ESR1: variants seen among roughly 807,000 people sequenced by gnomAD.
ESR1 encodes the protein estrogen receptor.
In ESR1, 12 loss-of-function variants were observed where a neutral mutation model predicts 52.7. The ratio of observed to expected loss-of-function variants is 0.23; its 90% confidence interval spans 0.15 to 0.37. The LOEUF is 0.37. Among genes scored for constraint, ESR1 ranks in the 10% least tolerant of loss-of-function variants. ESR1 has a pLI of 1.00. For synonymous variants in ESR1, 305 were observed against 316.8 expected, an observed-to-expected ratio of 0.96 and a Z score of 0.39; for missense variants, 584 against 779.7, an observed-to-expected ratio of 0.75 and a Z score of 2.99.
chr6:151,856,358 CT>C (rs113855679), intron 2 of ESR1, among the ~76,000 whole-genome samples: 2,498 of 152,182 alleles, frequency 0.016, 73 homozygotes, highest in African/African-American at 0.057. Flanking sequence ...ATGTTTGCAA[CT>C]TTCTTGATTT....
chr6:152,035,416 T>C (rs907768004), intron 5 of ESR1, among the ~76,000 whole-genome samples: 3 of 152,012 alleles, frequency 2.0e-5, no homozygotes, highest in African/African-American at 4.8e-5. Flanking sequence ...TGAACTTCTA[T>C]TGGAAGACAG....
intron 2 of ESR1, among the ~76,000 whole-genome samples, chr6:151,730,416 C>G (rs188453639): frequency 6.6e-6 from 1 of 152,112 alleles, no homozygotes; most frequent in Non-Finnish European, 1.5e-5. Context: ...GGTCTGGCCT[C>G]CCATTTTCCA....
chr6:152,048,048 A>G (rs1356415803), intron 5 of ESR1, among the ~76,000 whole-genome samples: 2 of 136,506 alleles, frequency 1.5e-5, no homozygotes, highest in Non-Finnish European at 3.0e-5. Context: ...TTTCCTGGCT[A>G]ATTGCTAGTT....
At chr6:151,957,119 C>T (rs557751354) in intron 4 of ESR1, among the ~76,000 whole-genome samples, 9 of 151,882 alleles carry the variant, frequency 5.9e-5, no homozygotes, top group South Asian at 2.1e-4. Flanking sequence ...CCTCGTGATC[C>T]GCCCACCTCG....
At chr6:151,994,120 C>A (rs954204586) in intron 4 of ESR1, among the ~76,000 whole-genome samples, 4 of 152,084 alleles carry the variant, frequency 2.6e-5, no homozygotes, top group Non-Finnish European at 5.9e-5. Context: ...AAATAAGTTG[C>A]CCAAGGTCAC....
intron 2 of ESR1, among the ~76,000 whole-genome samples, chr6:151,723,316 T>C (rs1781592271): frequency 6.6e-6 from 1 of 152,160 alleles, no homozygotes; most frequent in Non-Finnish European, 1.5e-5. Flanking sequence ...CTGTTTCCTC[T>C]TCAGAAACTG....
At chr6:152,084,715 A>AC (rs1277782153) in intron 6 of ESR1, among the ~76,000 whole-genome samples, 1 of 152,128 alleles carries the variant, frequency 6.6e-6, no homozygotes, top group Non-Finnish European at 1.5e-5. Context: ...AAAAAAAAAA[A>AC]AAAACAGTTA....
chr6:152,031,401 TAAA>T (rs1309933195), intron 5 of ESR1, among the ~76,000 whole-genome samples: 2 of 151,386 alleles, frequency 1.3e-5, no homozygotes, highest in Non-Finnish European at 2.9e-5. Flanking sequence ...GCATGACTAA[TAAA>T]GAAGAAAAGA....
chr6:151,791,111 G>C (rs997782103), intron 2 of ESR1, among the ~76,000 whole-genome samples: 1 of 152,042 alleles, frequency 6.6e-6, no homozygotes, highest in Non-Finnish European at 1.5e-5. Context: ...AGTTTTAGGG[G>C]TCTCCACACT....
chr6:151,722,127 T>C (rs770971587), intron 2 of ESR1, among the ~76,000 whole-genome samples: 15 of 152,228 alleles, frequency 9.9e-5, no homozygotes, highest in Non-Finnish European at 1.6e-4. Flanking sequence ...AGGAAGGGTA[T>C]ACTTAGGTGG....
At chr6:151,708,618 G>C (rs934621694) in intron 2 of ESR1, among the ~76,000 whole-genome samples, 2 of 152,064 alleles carry the variant, frequency 1.3e-5, no homozygotes, top group Non-Finnish European at 2.9e-5. Flanking sequence ...TAATGAGTAA[G>C]CATTGTTAAT....
chr6:151,960,938 A>G (rs1247221564), intron 4 of ESR1, among the ~76,000 whole-genome samples: 1 of 152,176 alleles, frequency 6.6e-6, no homozygotes, highest in Non-Finnish European at 1.5e-5. Context: ...TATGTGAGAG[A>G]AAGAATTCAG....
At chr6:151,722,560 G>C (rs1434469486) in intron 2 of ESR1, among the ~76,000 whole-genome samples, 1 of 152,212 alleles carries the variant, frequency 6.6e-6, no homozygotes, top group Admixed American at 6.5e-5. Context: ...ACACGGCTGA[G>C]AGTCTCCAAA....
At chr6:151,978,112 A>G (rs1004506230) in intron 4 of ESR1, among the ~76,000 whole-genome samples, 1 of 152,158 alleles carries the variant, frequency 6.6e-6, no homozygotes, top group African/African-American at 2.4e-5. Context: ...AAATATGTTT[A>G]AGATGTAGAA....
chr6:152,049,113 C>G (rs9341004), intron 5 of ESR1, among the ~76,000 whole-genome samples: 17,518 of 152,202 alleles, frequency 0.12, 1,255 homozygotes, highest in East Asian at 0.34. Context: ...TACTTTAGCT[C>G]TTAAACTATG....
At chr6:152,119,841 G>A (rs1315433183) in intron 6 of ESR1, among the ~76,000 whole-genome samples, 1 of 152,222 alleles carries the variant, frequency 6.6e-6, no homozygotes, top group Non-Finnish European at 1.5e-5. Context: ...CGTCTGGCGT[G>A]GCCCTTGCTA....
chr6:151,984,088 GAA>G (rs1166871900), intron 4 of ESR1: 5 of 152,104 alleles, frequency 3.3e-5, no homozygotes, highest in African/African-American at 1.2e-4. Context: ...GGTCCATCTT[GAA>G]AGATTCTCAA....
At position 152,101,404 on chromosome 6, in the gene ESR1, G is replaced by T. The variant is rs895888642; in HGVS notation, c.*2438G>T. On this transcript the variant is annotated 3_prime_UTR_variant, in exon 8 of 8. Coordinates refer to ENST00000206249, the MANE Select transcript of ESR1 (RefSeq NM_000125.4). Reference sequence around the variant, plus strand: ...CAAAAAAAAATTTCTAGGACTAGACGATGTAATACCAGCTAAAGCCAAACA... The same window carrying T: ...CAAAAAAAAATTTCTAGGACTAGACTATGTAATACCAGCTAAAGCCAAACA... 2 of 232,654 alleles carry T rather than the reference G, an allele frequency of 8.6e-6. No homozygotes were observed. The highest frequency in any genetic ancestry group is 2.2e-5 in the African/African-American group (1 of 45,254). 14.4% of individuals were successfully genotyped at this position (232,654 alleles called of 1,614,324 possible). A position where few individuals can be genotyped will look rare whatever the true frequency, so the allele number is the denominator to read the frequency against.
chr6:151,751,235 C>G lies in ESR1; in HGVS notation c.-71+49230C>G, dbSNP rs141851449. 2.9e-4 allele frequency among the ~76,000 whole-genome samples: 44 copies of G among 152,162 alleles called. No individual in the cohort carries two copies. In the East Asian group the frequency reaches 7.9e-3, roughly 27 times the overall value. On this transcript the variant is annotated intron_variant, in intron 2 of 2. Transcript: ENST00000404742. ...TTTTGAGGCCTATGATTTATGGGGT[C>G]AAGCTATAAAACAGGAGGAAACACA...
Sources: allele counts gnomAD v4.1 joint callset (sites outside exome capture counted in the v4.1 genomes callset), GRCh38; gene constraint gnomAD v4.1.1; transcripts MANE v1.5; gene names NCBI Gene and HGNC (gene_info 2026-07-23, HGNC 2026-07-21).